The following NSFL1C variants were observed in gnomAD, a reference collection of about 807,000 sequenced individuals.
NSFL1C encodes NSFL1 cofactor p47.
In NSFL1C, 14 loss-of-function variants were observed where a neutral mutation model predicts 43.1. That is an observed-to-expected ratio of 0.32 (90% CI 0.21 to 0.51). The LOEUF (loss-of-function observed/expected upper bound fraction) is 0.51. NSFL1C is among the 20% of genes least tolerant of loss of function. The pLI is 0.98. For synonymous variants in NSFL1C, 171 were observed against 183.5 expected, an observed-to-expected ratio of 0.93 and a Z score of 0.55; for missense variants, 406 against 472.5, an observed-to-expected ratio of 0.86 and a Z score of 1.30.
At chr20:1,460,668 A>C (rs533838738) in intron 2 of NSFL1C, among the ~76,000 whole-genome samples, 2 of 152,298 alleles carry the variant, frequency 1.3e-5, no homozygotes, top group South Asian at 4.1e-4. Context: ...TGATGATGGA[A>C]ATGCTCTATC....
chr20:1,455,890 G>A (rs753262827), intron 3 of NSFL1C: 3 of 662,184 alleles, frequency 4.5e-6, no homozygotes, highest in South Asian at 3.3e-5. Flanking sequence ...GGGTACTGGA[G>A]GTCAGAGAAG....
intron 2 of NSFL1C, among the ~76,000 whole-genome samples, chr20:1,461,837 A>G (rs2090417807): frequency 6.6e-6 from 1 of 152,306 alleles, no homozygotes; most frequent in South Asian, 2.1e-4. Context: ...AAAGATGTTC[A>G]TGTAAAAGCT....
chr20:1,445,822 G>A lies in NSFL1C; in HGVS notation c.794C>T (p.Pro265Leu), dbSNP rs1568612787. 1.9e-6 allele frequency: 3 copies of A among 1,613,874 alleles called. No individual in the cohort carries two copies. The highest frequency in any genetic ancestry group is 2.5e-6 in the Non-Finnish European group (3 of 1,179,982). ...GEGQKLGSTAPQVLSTSSPAQ... is the reference protein window; with the variant it reads ...GEGQKLGSTALQVLSTSSPAQ... ...TGGAGAGCTGGTACTCAACACCTGG[G>A]GGGCAGTGCTGAGGAGAGAGGATGG... The change falls in exon 8 of 9, where the codon CCC becomes CTC. Residue 265 changes from proline (P) to leucine (L), a missense_variant. Transcript: ENST00000216879.
chr20:1,442,983 A>G lies in NSFL1C; in HGVS notation c.*766T>C, dbSNP rs2089980631. The G allele has an allele frequency of 6.6e-6, 1 of 152,168 alleles. No homozygotes were observed. The highest frequency in any genetic ancestry group is 1.5e-5 in the Non-Finnish European group (1 of 68,032). 9.4% of individuals were successfully genotyped at this position (152,168 alleles called of 1,614,324 possible). On this transcript the variant is annotated 3_prime_UTR_variant, in exon 9 of 9. Transcript: ENST00000216879. ...AATATCCCACCTACCTCCTAGGTCC[A>G]CTCAAGACTTCTGCACGTGGAGTAA...
chr20:1,445,581 G>A, intron 8 of NSFL1C, 85 bp downstream of exon 8: 1 of 1,478,880 alleles, frequency 6.8e-7, no homozygotes, highest in East Asian at 2.3e-5. Flanking sequence ...TATTTAGGAG[G>A]AAGAACGGCT....
chr20:1,453,798 T>C (rs1437106837), intron 5 of NSFL1C, among the ~76,000 whole-genome samples: 1 of 152,038 alleles, frequency 6.6e-6, no homozygotes, highest in Non-Finnish European at 1.5e-5. Context: ...AAGGAGACCC[T>C]ATGCACAGGG....
intron 3 of NSFL1C, chr20:1,456,985 A>G (rs1393454440): frequency 6.6e-6 from 1 of 152,234 alleles, no homozygotes; most frequent in Admixed American, 6.5e-5. Context: ...ATACAGAACA[A>G]AGACTGGATG....
chr20:1,449,649 G>A (rs1341048338), intron 7 of NSFL1C, among the ~76,000 whole-genome samples: 2 of 152,138 alleles, frequency 1.3e-5, no homozygotes, highest in African/African-American at 2.4e-5. Flanking sequence ...TAGAGCAGAC[G>A]TCTATAAATA....
In NSFL1C at chr20:1,452,901, A is replaced by G. The variant is rs941110527; in HGVS notation, c.647+130T>C. 3.4e-5 allele frequency: 25 copies of G among 726,692 alleles called. No homozygotes were observed. In the East Asian group the frequency reaches 6.1e-4, roughly 18 times the overall value. The allele number at this position is 726,692 out of a possible 1,614,324, so 45.0% of individuals were successfully genotyped here. ...CAAGGTTTTTGGAGCAGATCTATGA[A>G]TCCGTATCTCAACTATGCTGAATCT... On this transcript the variant is annotated intron_variant, in intron 6 of 8. Coordinates refer to ENST00000216879, the MANE Select transcript of NSFL1C (RefSeq NM_016143.5).
intron 7 of NSFL1C, among the ~76,000 whole-genome samples, chr20:1,451,882 G>C (rs574491582): frequency 6.6e-6 from 1 of 152,382 alleles, no homozygotes; most frequent in South Asian, 2.1e-4. Context: ...ACAAGTGGCA[G>C]AGTGAGTGTC....
chr20:1,445,546 G>T, intron 8 of NSFL1C, 120 bp downstream of exon 8: 1 of 1,156,216 alleles, frequency 8.6e-7, no homozygotes, highest in Non-Finnish European at 1.3e-6. Context: ...TGTCTGCTTT[G>T]GGGAAAGCAT....
At chr20:1,445,562 G>T in intron 8 of NSFL1C, 104 bp downstream of exon 8, 1 of 1,312,738 alleles carries the variant, frequency 7.6e-7, no homozygotes, top group Non-Finnish European at 1.1e-6. Flanking sequence ...AGCATGGAGT[G>T]CCTGCTGGTA....
Position 1,464,407 on chromosome 20 carries a change from T to A in NSFL1C, c.125A>T (p.Tyr42Phe). The A allele has an allele frequency of 6.2e-7, 1 of 1,614,250 alleles. No individual in the cohort carries two copies. Among genetic ancestry groups the A allele is most frequent in the Non-Finnish European group, 8.5e-7 (1 of 1,180,038 alleles). ...WDLQIALASF[Y>F]EDGGDEDIVT... The stretch of plus-strand genomic sequence containing the variant: ...AATGTCTTCATCCCCTCCGTCCTCA[T>A]AAAAGCTCGCTAGCGCGATCTGAAA... The change falls in exon 2 of 9, where the codon TAT (tyrosine) becomes TTT (phenylalanine). Residue 42 changes from tyrosine to phenylalanine, a missense_variant. Around this residue, in one of 3 missense-constraint regions of NSFL1C, gnomAD observed 203 missense variants for 216.3 expected, o/e 0.94. Coordinates refer to ENST00000216879, the MANE Select transcript of NSFL1C (RefSeq NM_016143.5).
chr20:1,454,841 C>T (rs565607868), intron 4 of NSFL1C, 126 bp downstream of exon 4: 34 of 1,014,828 alleles, frequency 3.4e-5, no homozygotes, highest in East Asian at 1.4e-4. Flanking sequence ...ACTCGTGTTC[C>T]GCACAGAAGA....
At chr20:1,456,958 A>G (rs541470628) in intron 3 of NSFL1C, 1 of 152,256 alleles carries the variant, frequency 6.6e-6, no homozygotes, top group Non-Finnish European at 1.5e-5. Context: ...GCATTGATCC[A>G]GCAAAACCAT....
At chr20:1,466,228 T>G (rs1015424523) in intron 1 of NSFL1C, among the ~76,000 whole-genome samples, 1 of 152,110 alleles carries the variant, frequency 6.6e-6, no homozygotes, top group Non-Finnish European at 1.5e-5. Context: ...CTACGCAAGG[T>G]GAAGAAGCTC....
At chr20:1,461,245 G>A (rs144125055) in intron 2 of NSFL1C, among the ~76,000 whole-genome samples, 1 of 152,360 alleles carries the variant, frequency 6.6e-6, no homozygotes, top group African/African-American at 2.4e-5. Flanking sequence ...TCAGGGCAAT[G>A]TGGGAGAGAT....
chr20:1,463,318 G>C (rs149724831), intron 2 of NSFL1C: 3 of 152,346 alleles, frequency 2.0e-5, no homozygotes, highest in East Asian at 1.9e-4. Context: ...ACTAGCAGCT[G>C]CAAGAACAGC....
At chr20:1,458,908 G>T (rs1317561162) in intron 2 of NSFL1C, among the ~76,000 whole-genome samples, 1 of 150,402 alleles carries the variant, frequency 6.6e-6, no homozygotes, top group Non-Finnish European at 1.5e-5. Context: ...TAGTCAAGAA[G>T]TATTTATTTT....
Sources: allele counts gnomAD v4.1 joint callset (sites outside exome capture counted in the v4.1 genomes callset), GRCh38; gene constraint gnomAD v4.1.1; regional missense constraint gnomAD v4.1.1; transcripts MANE v1.5; gene names NCBI Gene and HGNC (gene_info 2026-07-23, HGNC 2026-07-21).